The following GALNT17 variants were observed in gnomAD, a reference collection of about 807,000 sequenced individuals.
The protein encoded by GALNT17 is polypeptide N-acetylgalactosaminyltransferase 17.
A neutral mutation model predicts 63.7 loss-of-function variants in GALNT17; 29 were observed. The ratio of observed to expected loss-of-function variants is 0.46; its 90% CI spans 0.34 to 0.62. GALNT17 has a LOEUF of 0.62. Among genes scored for constraint, GALNT17 ranks in the 20% least tolerant of loss-of-function variants. The pLI, the probability that GALNT17 is intolerant of heterozygous loss-of-function variation, is 0.01. For synonymous variants in GALNT17, 305 were observed against 318.3 expected, an observed-to-expected ratio of 0.96 and a Z score of 0.45; for missense variants, 603 against 799.6, an observed-to-expected ratio of 0.75 and a Z score of 2.97.
At chr7:71,411,897 A>G (rs1271792248) in intron 3 of GALNT17, among the ~76,000 whole-genome samples, 1 of 152,216 alleles carries the variant, frequency 6.6e-6, no homozygotes, top group Non-Finnish European at 1.5e-5. Flanking sequence ...TTAAATATTT[A>G]TAAAATGAAT....
At chr7:71,432,258 TGTATGG>T (rs1786880392) in intron 5 of GALNT17, among the ~76,000 whole-genome samples, 1 of 151,992 alleles carries the variant, frequency 6.6e-6, no homozygotes, top group Non-Finnish European at 1.5e-5. Flanking sequence ...CAAATGGAGT[TGTATGG>T]GTAGGGCTGA....
chr7:71,577,158 C>T (rs532381265), intron 6 of GALNT17, among the ~76,000 whole-genome samples: 2 of 152,264 alleles, frequency 1.3e-5, no homozygotes, highest in East Asian at 3.9e-4. Flanking sequence ...GGGAACTAAA[C>T]ATTGGGTACC....
chr7:71,316,327 G>A (rs1045320538), intron 1 of GALNT17, among the ~76,000 whole-genome samples: 11 of 148,912 alleles, frequency 7.4e-5, no homozygotes, highest in Middle Eastern at 3.2e-3. Context: ...CTGGGTCTTG[G>A]CTCTGGTCAC....
At chr7:71,310,294 G>A (rs778537722) in intron 1 of GALNT17, among the ~76,000 whole-genome samples, 31 of 152,176 alleles carry the variant, frequency 2.0e-4, no homozygotes, top group East Asian at 3.9e-4. Context: ...GGGCTGAGAC[G>A]CTAAAGAAAT....
intron 5 of GALNT17, among the ~76,000 whole-genome samples, chr7:71,447,189 T>C (rs1043899545): frequency 3.3e-5 from 5 of 152,244 alleles, no homozygotes; most frequent in African/African-American, 7.2e-5. Context: ...GCTCCCACTT[T>C]AGGCACTAGT....
intron 2 of GALNT17, among the ~76,000 whole-genome samples, chr7:71,366,321 C>G (rs895944389): frequency 1.3e-5 from 2 of 152,070 alleles, no homozygotes; most frequent in African/African-American, 4.8e-5. Flanking sequence ...CACGGTGGCT[C>G]ACACCTGTAC....
intron 5 of GALNT17, among the ~76,000 whole-genome samples, chr7:71,500,735 C>T (rs2116699966): frequency 6.6e-6 from 1 of 152,186 alleles, no homozygotes; most frequent in African/African-American, 2.4e-5. Context: ...TTTTAGATTC[C>T]GGGGACCCTC....
intron 1 of GALNT17, among the ~76,000 whole-genome samples, chr7:71,197,723 T>G (rs1789081397): frequency 6.6e-6 from 1 of 152,126 alleles, no homozygotes; most frequent in Non-Finnish European, 1.5e-5. Context: ...CCTGGCTTAT[T>G]TCACTTAACA....
chr7:71,591,409 T>C (rs1172305409), intron 6 of GALNT17, among the ~76,000 whole-genome samples: 1 of 152,050 alleles, frequency 6.6e-6, no homozygotes, highest in East Asian at 1.9e-4. Flanking sequence ...GGGTCCCGAA[T>C]TGCTCCCTGC....
chr7:71,300,201 A>G (rs1410879901), intron 1 of GALNT17: 1 of 275,758 alleles, frequency 3.6e-6, no homozygotes, highest in Non-Finnish European at 7.2e-6. Flanking sequence ...GATGATTTAA[A>G]TTGCTTTGAT....
intron 6 of GALNT17, among the ~76,000 whole-genome samples, chr7:71,644,155 C>A (rs1053934720): frequency 3.3e-5 from 5 of 152,044 alleles, no homozygotes; most frequent in Non-Finnish European, 7.4e-5. Flanking sequence ...GTAATCCCAG[C>A]ACTTTGAGAA....
At chr7:71,562,039 T>C (rs1254074890) in intron 5 of GALNT17, among the ~76,000 whole-genome samples, 2 of 152,018 alleles carry the variant, frequency 1.3e-5, no homozygotes, top group East Asian at 3.9e-4. Context: ...CACTACAGTG[T>C]CCAACTCCCA....
chr7:71,698,912 C>G (rs1056028403), intron 9 of GALNT17, among the ~76,000 whole-genome samples: 5 of 152,114 alleles, frequency 3.3e-5, no homozygotes, highest in African/African-American at 9.7e-5. Flanking sequence ...TGGCTCACGC[C>G]TGTAATCCCA....
intron 1 of GALNT17, among the ~76,000 whole-genome samples, chr7:71,176,893 A>G (rs992026723): frequency 2.0e-5 from 3 of 152,178 alleles, no homozygotes; most frequent in African/African-American, 7.2e-5. Context: ...CTGGAACCTA[A>G]AAGAATTTGA....
At chr7:71,494,839 G>A (rs761708385) in intron 5 of GALNT17, among the ~76,000 whole-genome samples, 7 of 152,292 alleles carry the variant, frequency 4.6e-5, no homozygotes, top group East Asian at 3.9e-4. Context: ...GTCTTACATG[G>A]CAGCAGGCAG....
chr7:71,632,063 T>C (rs1790459671), intron 6 of GALNT17, among the ~76,000 whole-genome samples: 1 of 151,346 alleles, frequency 6.6e-6, no homozygotes, highest in African/African-American at 2.4e-5. Flanking sequence ...AAGAAGGCTT[T>C]AAAGGACCTG....
chr7:71,140,688 A>G (rs1466052686), intron 1 of GALNT17, among the ~76,000 whole-genome samples: 2 of 152,224 alleles, frequency 1.3e-5, no homozygotes, highest in African/African-American at 4.8e-5. Context: ...AGGCCAGCGA[A>G]GAAACAACCT....
intron 5 of GALNT17, among the ~76,000 whole-genome samples, chr7:71,428,725 C>G (rs974760099): frequency 1.4e-4 from 22 of 152,220 alleles, no homozygotes; most frequent in Non-Finnish European, 2.5e-4. Flanking sequence ...GCATGAGCCA[C>G]TGCGCCCGGC....
At chr7:71,645,837 T>C (rs927578891) in intron 6 of GALNT17, among the ~76,000 whole-genome samples, 1 of 152,162 alleles carries the variant, frequency 6.6e-6, no homozygotes, top group Non-Finnish European at 1.5e-5. Flanking sequence ...AATTTACCAA[T>C]TGGCAAATAT....
Sources: allele counts gnomAD v4.1 joint callset (sites outside exome capture counted in the v4.1 genomes callset), GRCh38; gene constraint gnomAD v4.1.1; transcripts MANE v1.5; gene names NCBI Gene and HGNC (gene_info 2026-07-23, HGNC 2026-07-21).